The following PLXNA4 variants were observed in gnomAD, a reference collection of about 807,000 sequenced individuals.
PLXNA4 encodes plexin-A4.
PLXNA4 carries 44 observed loss-of-function variants against 191.8 expected under a neutral mutation model. That is an observed-to-expected ratio of 0.23 (90% CI 0.18 to 0.29). PLXNA4 has a LOEUF of 0.29. PLXNA4 is among the 10% of genes least tolerant of loss of function. The pLI is 1.00. For synonymous variants in PLXNA4, 1,082 were observed against 1,009.5 expected, an observed-to-expected ratio of 1.07 and a Z score of -1.36; for missense variants, 1,800 against 2,488.8, an observed-to-expected ratio of 0.72 and a Z score of 5.89.
At chr7:132,534,878 C>T (rs1235113749) in intron 1 of PLXNA4, among the ~76,000 whole-genome samples, 2 of 152,186 alleles carry the variant, frequency 1.3e-5, no homozygotes, top group Non-Finnish European at 2.9e-5. Context: ...ATTCCTTAAC[C>T]TGCCACAGTA....
chr7:132,611,959 G>A (rs1803055088), intron 2 of PLXNA4, among the ~76,000 whole-genome samples: 1 of 152,178 alleles, frequency 6.6e-6, no homozygotes, highest in African/African-American at 2.4e-5. Flanking sequence ...TTTGTGTTCT[G>A]CCATCTTCAA....
chr7:132,280,054 T>C (rs1800422555), intron 4 of PLXNA4, among the ~76,000 whole-genome samples: 1 of 152,252 alleles, frequency 6.6e-6, no homozygotes, highest in African/African-American at 2.4e-5. Context: ...ATGGCCACTA[T>C]TCTATTCGAC....
intron 2 of PLXNA4, among the ~76,000 whole-genome samples, chr7:132,645,602 G>C (rs1288926580): frequency 6.6e-6 from 1 of 152,216 alleles, no homozygotes; most frequent in Non-Finnish European, 1.5e-5. Context: ...ATCTTAGGCA[G>C]CTGTGGCTGC....
intron 3 of PLXNA4, among the ~76,000 whole-genome samples, chr7:132,433,663 C>G (rs909892303): frequency 1.2e-4 from 18 of 152,238 alleles, no homozygotes; most frequent in Admixed American, 6.5e-4. Context: ...ACTTAGAGAG[C>G]TGCACAATTT....
At chr7:132,392,749 C>G (rs939354553) in intron 3 of PLXNA4, among the ~76,000 whole-genome samples, 3 of 152,346 alleles carry the variant, frequency 2.0e-5, no homozygotes, top group South Asian at 2.1e-4. Flanking sequence ...TTGGAGGCTA[C>G]AGCAATCCTG....
At chr7:132,231,576 C>T (rs1037249299) in intron 5 of PLXNA4, among the ~76,000 whole-genome samples, 1 of 152,200 alleles carries the variant, frequency 6.6e-6, no homozygotes, top group Non-Finnish European at 1.5e-5. Flanking sequence ...AGGCACACAC[C>T]GCCATGCCCA....
At chr7:132,195,596 G>A (rs1374587619) in intron 13 of PLXNA4, among the ~76,000 whole-genome samples, 2 of 152,162 alleles carry the variant, frequency 1.3e-5, no homozygotes, top group African/African-American at 4.8e-5. Flanking sequence ...CACCAGATAT[G>A]AACAATCCTT....
chr7:132,611,276 G>A (rs901175433), intron 2 of PLXNA4, among the ~76,000 whole-genome samples: 6 of 152,196 alleles, frequency 3.9e-5, no homozygotes, highest in Admixed American at 2.0e-4. Flanking sequence ...TCAGAAGTGA[G>A]AAACTGCAAA....
At chr7:132,451,190 G>A (rs1585153743) in intron 3 of PLXNA4, among the ~76,000 whole-genome samples, 2 of 152,316 alleles carry the variant, frequency 1.3e-5, no homozygotes, top group Admixed American at 1.3e-4. Flanking sequence ...ACCCTTCACA[G>A]CTGAGGCCTC....
intron 2 of PLXNA4, among the ~76,000 whole-genome samples, chr7:132,592,919 C>T (rs1802629876): frequency 1.3e-5 from 2 of 151,134 alleles, no homozygotes; most frequent in Admixed American, 1.3e-4. Context: ...TCTTCATTCA[C>T]CTTGATGTTA....
chr7:132,587,822 G>C (rs956655754), intron 2 of PLXNA4, among the ~76,000 whole-genome samples: 4 of 151,504 alleles, frequency 2.6e-5, no homozygotes, highest in African/African-American at 9.7e-5. Context: ...TCTTCTGCTT[G>C]GTGCTGGTCC....
intron 2 of PLXNA4, among the ~76,000 whole-genome samples, chr7:132,609,604 C>G (rs1388968023): frequency 6.6e-6 from 1 of 152,230 alleles, no homozygotes; most frequent in African/African-American, 2.4e-5. Context: ...TGCTCATTTA[C>G]TTTTATTTAC....
chr7:132,155,748 T>C lies in PLXNA4; in HGVS notation c.4660+3725A>G, dbSNP rs80248893. Among the ~76,000 whole-genome samples, 672 of 152,306 alleles carry C rather than the reference T, an allele frequency of 4.4e-3. 10 individuals carry two copies. Among genetic ancestry groups the C allele is most frequent in the African/African-American group, 0.016 (647 of 41,570 alleles). On this transcript the variant is annotated intron_variant, in intron 25 of 31. Coordinates refer to ENST00000321063, the MANE Select transcript of PLXNA4 (RefSeq NM_020911.2). ...TGCAGTGAAGGTGGGCCCTGCGGTT[T>C]CTGGGATAGTTAATTCTACGTGTCA... is the stretch of plus-strand genomic sequence containing the variant.
At chr7:132,564,175 C>T (rs1403172927) in intron 1 of PLXNA4, among the ~76,000 whole-genome samples, 1 of 135,956 alleles carries the variant, frequency 7.4e-6, no homozygotes, top group Non-Finnish European at 1.6e-5. Flanking sequence ...TCTCCTCTTC[C>T]TCCTGCCCCT....
rs141347677 is a variant in PLXNA4, at chr7:132,517,462, C to T, written c.-86-8683G>A. On this transcript the variant is annotated intron_variant, in intron 1 of 31. Coordinates refer to ENST00000321063, the MANE Select transcript of PLXNA4 (RefSeq NM_020911.2). Reference sequence around the variant, plus strand: ...CCAGGAACATCAGACAAGAAAGAAACCTTTACTGTGATAATACTGAAACTG... The same window carrying T: ...CCAGGAACATCAGACAAGAAAGAAATCTTTACTGTGATAATACTGAAACTG... Among the ~76,000 whole-genome samples, 429 of 152,298 alleles carry T rather than the reference C, an allele frequency of 2.8e-3. 3 individuals are homozygous for T. Among genetic ancestry groups the T allele is most frequent in the African/African-American group, 9.9e-3 (413 of 41,560 alleles).
intron 1 of PLXNA4, among the ~76,000 whole-genome samples, chr7:132,573,229 G>C (rs933023187): frequency 1.3e-5 from 2 of 152,150 alleles, no homozygotes; most frequent in African/African-American, 4.8e-5. Context: ...CACATCTGTT[G>C]CATAGTCTAA....
intron 22 of PLXNA4, among the ~76,000 whole-genome samples, chr7:132,165,754 T>C (rs900231403): frequency 6.6e-6 from 1 of 150,524 alleles, no homozygotes; most frequent in African/African-American, 2.4e-5. Context: ...GAGGTACCAA[T>C]TTGGCAGGGA....
At chr7:132,251,200 C>A (rs1799237433) in intron 4 of PLXNA4, among the ~76,000 whole-genome samples, 3 of 152,118 alleles carry the variant, frequency 2.0e-5, no homozygotes. Flanking sequence ...GAATTAAACA[C>A]ACATCACACA....
At chr7:132,330,389 C>T (rs1287413525) in intron 3 of PLXNA4, among the ~76,000 whole-genome samples, 2 of 152,138 alleles carry the variant, frequency 1.3e-5, no homozygotes, top group African/African-American at 4.8e-5. Flanking sequence ...CAAGCCTTTC[C>T]AGTAATCACT....
Sources: allele counts gnomAD v4.1 joint callset (sites outside exome capture counted in the v4.1 genomes callset), GRCh38; gene constraint gnomAD v4.1.1; transcripts MANE v1.5; gene names NCBI Gene and HGNC (gene_info 2026-07-23, HGNC 2026-07-21).